Variants in CACNA1E observed in about 807,000 individuals in gnomAD.
The protein encoded by CACNA1E is calcium voltage-gated channel subunit alpha1 E, also known as voltage-dependent R-type calcium channel subunit alpha-1E.
Under a neutral mutation model 259.2 loss-of-function variants are expected in CACNA1E, and 40 were observed. The ratio of observed to expected loss-of-function variants is 0.15; its 90% CI spans 0.12 to 0.20. CACNA1E has a LOEUF of 0.20. Ranked by LOEUF, CACNA1E falls within the 10% of genes least tolerant of loss-of-function variation. The pLI, the probability that CACNA1E is intolerant of heterozygous loss-of-function variation, is 1.00. For synonymous variants in CACNA1E, 1,104 were observed against 1,138.5 expected, an observed-to-expected ratio of 0.97 and a Z score of 0.61; for missense variants, 1,874 against 3,040.1, an observed-to-expected ratio of 0.62 and a Z score of 9.02.
intron 2 of CACNA1E, 97 bp downstream of exon 2, chr1:181,510,679 G>A (rs1666088308): frequency 2.6e-6 from 2 of 778,942 alleles, no homozygotes; most frequent in Non-Finnish European, 2.2e-6. Flanking sequence ...CTGCCTGTGA[G>A]TTCTGGGAGG....
chr1:181,757,255 T>A (rs981150862), intron 30 of CACNA1E, 129 bp downstream of exon 30: 20 of 672,542 alleles, frequency 3.0e-5, no homozygotes, highest in Non-Finnish European at 4.6e-5. Flanking sequence ...ATGGGAAAAG[T>A]AACTATTCAG....
At chr1:181,389,238 G>T (rs954103359) in intron 1 of CACNA1E, among the ~76,000 whole-genome samples, 1 of 152,110 alleles carries the variant, frequency 6.6e-6, no homozygotes, top group Non-Finnish European at 1.5e-5. Flanking sequence ...TACTATGTTT[G>T]GGGCCATTTT....
intron 6 of CACNA1E, among the ~76,000 whole-genome samples, chr1:181,628,171 G>A (rs1007210864): frequency 6.6e-6 from 1 of 152,130 alleles, no homozygotes; most frequent in East Asian, 1.9e-4. Flanking sequence ...GCAAATGCAC[G>A]TGTTCAGCTG....
At chr1:181,343,340 C>T (rs1247717544) in intron 1 of CACNA1E, among the ~76,000 whole-genome samples, 6 of 152,100 alleles carry the variant, frequency 3.9e-5, no homozygotes, top group African/African-American at 9.7e-5. Flanking sequence ...TCATAAGGAT[C>T]GATTCCTCAT....
intron 1 of CACNA1E, among the ~76,000 whole-genome samples, chr1:181,391,925 GTCTCTCTCTCTC>G (rs58946698): frequency 0.32 from 47,320 of 147,382 alleles, 7,662 homozygotes; most frequent in Admixed American, 0.4. Flanking sequence ...CTCTCTCTCT[GTCTCTCTCTCTC>G]TCTCTCTCTG....
At chr1:181,622,579 CT>C (rs1188421672) in intron 6 of CACNA1E, among the ~76,000 whole-genome samples, 1 of 152,172 alleles carries the variant, frequency 6.6e-6, no homozygotes, top group African/African-American at 2.4e-5. Flanking sequence ...TACAAGTTTA[CT>C]TTTCTTGTAA....
chr1:181,698,887 C>T (rs144009565), intron 7 of CACNA1E, among the ~76,000 whole-genome samples: 278 of 152,214 alleles, frequency 1.8e-3, no homozygotes, highest in African/African-American at 6.0e-3. Flanking sequence ...GGGATGATAA[C>T]GGTCAACTTA....
At chr1:181,494,587 C>T (rs2102528993) in intron 1 of CACNA1E, among the ~76,000 whole-genome samples, 1 of 152,314 alleles carries the variant, frequency 6.6e-6, no homozygotes, top group South Asian at 2.1e-4. Context: ...TACCAAATTT[C>T]AGGCTCTACT....
chr1:181,542,923 C>T (rs1466406519), intron 3 of CACNA1E, among the ~76,000 whole-genome samples: 1 of 148,870 alleles, frequency 6.7e-6, no homozygotes, highest in Non-Finnish European at 1.5e-5. Flanking sequence ...ACTAGATCTC[C>T]TTCTTGGAAA....
intron 33 of CACNA1E, 34 bp from the exon 34 acceptor site, chr1:181,763,372 G>A (rs746591369): frequency 1.6e-5 from 25 of 1,535,350 alleles, no homozygotes; most frequent in South Asian, 6.0e-5. Flanking sequence ...TCACCATAAT[G>A]TTCCTAATTA....
chr1:181,415,478 A>T (rs1341968804), intron 2 of CACNA1E, among the ~76,000 whole-genome samples: 1 of 152,142 alleles, frequency 6.6e-6, no homozygotes, highest in Admixed American at 6.5e-5. Flanking sequence ...GGAAGAGCAC[A>T]TGAAGGAGGT....
At chr1:181,558,346 G>T (rs1266326247) in intron 3 of CACNA1E, among the ~76,000 whole-genome samples, 3 of 152,276 alleles carry the variant, frequency 2.0e-5, no homozygotes, top group Non-Finnish European at 4.4e-5. Context: ...CATTTATCGA[G>T]TACCTACTAC....
At chr1:181,735,292 C>G (rs1162017342) in intron 21 of CACNA1E, among the ~76,000 whole-genome samples, 1 of 152,236 alleles carries the variant, frequency 6.6e-6, no homozygotes, top group Non-Finnish European at 1.5e-5. Context: ...TTTACTCTCC[C>G]TCTGTTGTAA....
At chr1:181,571,814 A>G (rs1021126459) in intron 3 of CACNA1E, among the ~76,000 whole-genome samples, 2 of 152,020 alleles carry the variant, frequency 1.3e-5, no homozygotes, top group African/African-American at 4.8e-5. Context: ...ATGGTGTAAG[A>G]TCTCTGGCTT....
intron 2 of CACNA1E, among the ~76,000 whole-genome samples, chr1:181,471,946 G>C (rs1027679574): frequency 1.1e-4 from 16 of 152,072 alleles, no homozygotes; most frequent in Admixed American, 3.3e-4. Flanking sequence ...AAAGGTATCT[G>C]CACCCTCATG....
At chr1:181,454,066 G>C (rs748566641) in intron 2 of CACNA1E, among the ~76,000 whole-genome samples, 9 of 152,200 alleles carry the variant, frequency 5.9e-5, no homozygotes, top group Non-Finnish European at 1.2e-4. Context: ...AAGGGTGGGA[G>C]AGCGTGCAGG....
At chr1:181,783,393 A>G (rs77483262) in intron 39 of CACNA1E, among the ~76,000 whole-genome samples, 1 of 151,998 alleles carries the variant, frequency 6.6e-6, no homozygotes, top group African/African-American at 2.4e-5. Flanking sequence ...TAGGACTCCA[A>G]GGGGGGGCCT....
intron 44 of CACNA1E, among the ~76,000 whole-genome samples, chr1:181,792,029 T>G (rs942677754): frequency 2.0e-5 from 3 of 152,168 alleles, no homozygotes; most frequent in Admixed American, 6.6e-5. Flanking sequence ...TGCCTGAGGG[T>G]GTTCTTGATG....
chr1:181,456,335 T>C (rs779495221), intron 2 of CACNA1E, among the ~76,000 whole-genome samples: 5 of 152,130 alleles, frequency 3.3e-5, no homozygotes, highest in Non-Finnish European at 5.9e-5. Flanking sequence ...CATTTGTGTC[T>C]GTAGGGGGTA....
Sources: gnomAD v4.1 joint callset for allele counts (sites outside exome capture counted in the v4.1 genomes callset) on GRCh38, gnomAD v4.1.1 for gene constraint, MANE v1.5 for transcripts, NCBI Gene and HGNC (gene_info 2026-07-23, HGNC 2026-07-21) for gene names.